Variants in CPNE8 observed in about 807,000 individuals in gnomAD.
CPNE8 encodes copine 8.
A neutral mutation model predicts 81.5 loss-of-function variants in CPNE8; 45 were observed. That is an observed-to-expected ratio of 0.55 (90% confidence interval 0.44 to 0.71). CPNE8 has a LOEUF of 0.71. Ranked by LOEUF, CPNE8 falls within the 30% of genes least tolerant of loss-of-function variation. CPNE8 has a pLI of 0.00. For missense variants in CPNE8, 594 were observed against 672.1 expected, an observed-to-expected ratio of 0.88 and a Z score of 1.28; for synonymous variants, 252 against 226.3, an observed-to-expected ratio of 1.11 and a Z score of -1.02.
chr12:38,734,841 A>G (rs1940916397), intron 10 of CPNE8, among the ~76,000 whole-genome samples: 1 of 152,120 alleles, frequency 6.6e-6, no homozygotes, highest in Admixed American at 6.6e-5. Context: ...ATTAATTTGT[A>G]AAGAAGTAAT....
chr12:38,740,265 C>T (rs1044031905), intron 10 of CPNE8, among the ~76,000 whole-genome samples: 1 of 152,242 alleles, frequency 6.6e-6, no homozygotes, highest in Admixed American at 6.5e-5. Flanking sequence ...TGAGACTTAG[C>T]TGAAGTTGCT....
At chr12:38,740,741 C>A (rs1941078926) in intron 10 of CPNE8, among the ~76,000 whole-genome samples, 1 of 152,068 alleles carries the variant, frequency 6.6e-6, no homozygotes, top group Non-Finnish European at 1.5e-5. Flanking sequence ...GGATGAAGCC[C>A]ACTTGATCAT....
intron 6 of CPNE8, among the ~76,000 whole-genome samples, chr12:38,783,283 C>G (rs938030025): frequency 6.6e-6 from 1 of 152,164 alleles, no homozygotes; most frequent in Non-Finnish European, 1.5e-5. Flanking sequence ...TATCTATACA[C>G]ACACACAAAG....
At chr12:38,832,958 C>A (rs1445512019) in intron 5 of CPNE8, among the ~76,000 whole-genome samples, 1 of 152,044 alleles carries the variant, frequency 6.6e-6, no homozygotes, top group Non-Finnish European at 1.5e-5. Context: ...AGAGATAATA[C>A]AAAGTTCTAA....
At chr12:38,833,330 C>A (rs1421254867) in intron 5 of CPNE8, among the ~76,000 whole-genome samples, 1 of 125,226 alleles carries the variant, frequency 8.0e-6, no homozygotes, top group Non-Finnish European at 1.6e-5. Flanking sequence ...CCAGCCTGGG[C>A]GACAGAGTGA....
chr12:38,732,886 A>G (rs140737180), intron 10 of CPNE8, among the ~76,000 whole-genome samples: 2 of 152,052 alleles, frequency 1.3e-5, no homozygotes, highest in Non-Finnish European at 1.5e-5. Flanking sequence ...ATTTTGAACA[A>G]AACACTGAAT....
chr12:38,725,742 G>T (rs1008265168), intron 11 of CPNE8, among the ~76,000 whole-genome samples: 3 of 152,292 alleles, frequency 2.0e-5, no homozygotes, highest in East Asian at 3.9e-4. Flanking sequence ...GTTGGCTGGG[G>T]CAGAGAGCCC....
intron 16 of CPNE8, among the ~76,000 whole-genome samples, chr12:38,680,276 A>G (rs1236741275): frequency 1.3e-5 from 2 of 152,020 alleles, no homozygotes; most frequent in East Asian, 3.8e-4. Context: ...ATATAAGATA[A>G]GAAACTGACT....
At chr12:38,849,945 A>T (rs1943619768) in intron 3 of CPNE8, among the ~76,000 whole-genome samples, 1 of 152,168 alleles carries the variant, frequency 6.6e-6, no homozygotes, top group African/African-American at 2.4e-5. Context: ...GTTTCAACCT[A>T]AGTCACTTTG....
At chr12:38,856,144 C>T (rs567312752) in intron 3 of CPNE8, among the ~76,000 whole-genome samples, 1 of 151,842 alleles carries the variant, frequency 6.6e-6, no homozygotes, top group East Asian at 1.9e-4. Context: ...AAGGCTGAAC[C>T]ATGAAAAGAT....
At chr12:38,737,981 C>G (rs1164061030) in intron 10 of CPNE8, among the ~76,000 whole-genome samples, 1 of 152,174 alleles carries the variant, frequency 6.6e-6, no homozygotes, top group East Asian at 1.9e-4. Context: ...CATATCCTCT[C>G]TCTCTGTATT....
intron 3 of CPNE8, among the ~76,000 whole-genome samples, chr12:38,856,299 C>CTTCCTTAAA (rs1943733371): frequency 6.6e-6 from 1 of 152,222 alleles, no homozygotes; most frequent in East Asian, 1.9e-4. Context: ...CAATATCAAT[C>CTTCCTTAAA]TTCCTTAAAT....
At chr12:38,681,555 T>C (rs796564380) in intron 16 of CPNE8, among the ~76,000 whole-genome samples, 115 of 152,304 alleles carry the variant, frequency 7.6e-4, no homozygotes, top group African/African-American at 2.5e-3. Flanking sequence ...ATCCCACTTA[T>C]TTAATCAAAG....
In CPNE8 at chr12:38,802,084, C is replaced by T. The variant is rs1325863360; in HGVS notation, c.408-25783G>A. The stretch of plus-strand genomic sequence containing the variant: ...GGAGACTTTAACACCCCACTGTCAA[C>T]ATTAGACAGATCAACGAGACAGAAG... On this transcript the variant is annotated intron_variant, in intron 6 of 19. Coordinates refer to ENST00000331366, the MANE Select transcript of CPNE8 (RefSeq NM_153634.3). 1.7e-3 allele frequency among the ~76,000 whole-genome samples: 46 copies of T among 27,276 alleles called. 3 individuals carry two copies. The highest frequency in any genetic ancestry group is 2.7e-3 in the African/African-American group (46 of 16,896). 17.9% of individuals were successfully genotyped at this position (27,276 alleles called of 152,430 possible). A position where few individuals can be genotyped will look rare whatever the true frequency, so the allele number is the denominator to read the frequency against.
intron 19 of CPNE8, among the ~76,000 whole-genome samples, chr12:38,669,617 C>T (rs1380340219): frequency 6.6e-6 from 1 of 152,118 alleles, no homozygotes; most frequent in African/African-American, 2.4e-5. Context: ...CCTTTCTAGC[C>T]TCATGCATTT....
At chr12:38,798,773 G>C (rs1942573035) in intron 6 of CPNE8, among the ~76,000 whole-genome samples, 1 of 152,132 alleles carries the variant, frequency 6.6e-6, no homozygotes, top group East Asian at 1.9e-4. Context: ...AAAGACTCAA[G>C]ATCCATCAGT....
intron 6 of CPNE8, among the ~76,000 whole-genome samples, chr12:38,809,826 AG>A (rs1430658811): frequency 6.6e-6 from 1 of 152,298 alleles, no homozygotes; most frequent in East Asian, 1.9e-4. Context: ...TCACTCCATC[AG>A]GGACCTGTGG....
chr12:38,808,928 A>T (rs1426409051), intron 6 of CPNE8, among the ~76,000 whole-genome samples: 2 of 152,084 alleles, frequency 1.3e-5, no homozygotes, highest in Admixed American at 1.3e-4. Flanking sequence ...TAAACAGGTA[A>T]ATGCTAATTA....
intron 6 of CPNE8, among the ~76,000 whole-genome samples, chr12:38,784,161 A>AAAATT (rs1942118529): frequency 6.6e-6 from 1 of 152,228 alleles, no homozygotes; most frequent in African/African-American, 2.4e-5. Context: ...AATGTAACAA[A>AAAATT]AAATTAAAAT....
Sources: gnomAD v4.1 joint callset for allele counts (sites outside exome capture counted in the v4.1 genomes callset) on GRCh38, gnomAD v4.1.1 for gene constraint, MANE v1.5 for transcripts, NCBI Gene and HGNC (gene_info 2026-07-23, HGNC 2026-07-21) for gene names.